Variants in FSTL4 observed in about 807,000 individuals in gnomAD.
FSTL4 encodes follistatin like 4.
Under a neutral mutation model 78.2 loss-of-function variants are expected in FSTL4, and 28 were observed. The observed-to-expected ratio is 0.36, with a 90% CI of 0.27 to 0.49. The LOEUF is 0.49. FSTL4 is among the 20% of genes least tolerant of loss of function. The pLI, the probability that FSTL4 is intolerant of heterozygous loss-of-function variation, is 0.98. For synonymous variants in FSTL4, 422 were observed against 440.5 expected (o/e 0.96, Z 0.53); for missense variants, 922 against 1,084.9 (o/e 0.85, Z 2.11).
chr5:133,794,465 C>A, the FSTL4 span, among the ~76,000 whole-genome samples: 2 of 152,196 alleles, frequency 1.3e-5, no homozygotes, highest in Non-Finnish European at 2.9e-5. Flanking sequence ...GGCAGGAAAG[C>A]CTGGGTTCTG....
chr5:133,630,164 A>G, the FSTL4 span, among the ~76,000 whole-genome samples: 56 of 152,396 alleles, frequency 3.7e-4, no homozygotes, highest in Non-Finnish European at 6.2e-4. Context: ...AGGCAAGAGA[A>G]AGAAATAAAG....
chr5:133,658,827 A>G, the FSTL4 span, among the ~76,000 whole-genome samples: 3 of 152,142 alleles, frequency 2.0e-5, no homozygotes, highest in Non-Finnish European at 4.4e-5. Context: ...GCTGCTTTCA[A>G]ATGGTGAATT....
rs888973224 is a variant in FSTL4, at chr5:133,600,341, G to A, written c.126+3517C>T. The stretch of plus-strand genomic sequence containing the variant: ...GGATAGGTGTATGAAATACATTTTC[G>A]ACCTATGATATTTTCAACTTACAGT... On this transcript the variant is annotated intron_variant, in intron 2 of 15. Coordinates refer to ENST00000265342, the MANE Select transcript of FSTL4 (RefSeq NM_015082.2). 4.6e-4 allele frequency among the ~76,000 whole-genome samples: 69 copies of A among 151,566 alleles called. 2 individuals are homozygous for A. Among genetic ancestry groups the A allele is most frequent in the Non-Finnish European group, 2.4e-4 (16 of 67,976 alleles).
At chr5:133,640,634 G>T in the FSTL4 span, among the ~76,000 whole-genome samples, 2 of 152,152 alleles carry the variant, frequency 1.3e-5, no homozygotes, top group Admixed American at 1.3e-4. Context: ...TGATTTGTTT[G>T]TAATTTTCTA....
At chr5:133,234,337 G>C (rs1479067183) in intron 7 of FSTL4, among the ~76,000 whole-genome samples, 1 of 152,230 alleles carries the variant, frequency 6.6e-6, no homozygotes. Flanking sequence ...ATAAGCCTCA[G>C]CACTGTCATC....
At chr5:133,389,562 C>T (rs1039468564) in intron 4 of FSTL4, among the ~76,000 whole-genome samples, 1 of 152,180 alleles carries the variant, frequency 6.6e-6, no homozygotes, top group Admixed American at 6.5e-5. Flanking sequence ...CCTCCTTTGT[C>T]TAGGGTATTT....
intron 3 of FSTL4, among the ~76,000 whole-genome samples, chr5:133,404,385 G>A (rs1414485959): frequency 5.9e-5 from 9 of 152,230 alleles, no homozygotes; most frequent in Non-Finnish European, 1.3e-4. Context: ...TAGTATTTAT[G>A]AGGACAACCA....
chr5:133,635,545 C>T, the FSTL4 span, among the ~76,000 whole-genome samples: 1 of 152,116 alleles, frequency 6.6e-6, no homozygotes, highest in Admixed American at 6.5e-5. Flanking sequence ...GGGCAGATCA[C>T]CTGAGGTCAG....
chr5:133,510,829 A>G (rs1758716643), intron 3 of FSTL4, among the ~76,000 whole-genome samples: 1 of 152,102 alleles, frequency 6.6e-6, no homozygotes, highest in Non-Finnish European at 1.5e-5. Context: ...CTAGAGCCAC[A>G]GCCGTGTCCC....
the FSTL4 span, among the ~76,000 whole-genome samples, chr5:133,618,586 T>G: frequency 6.6e-6 from 1 of 152,244 alleles, no homozygotes; most frequent in South Asian, 2.1e-4. Context: ...TAAGGTTTAT[T>G]GATTGCTAAC....
rs1561626795 is a variant in FSTL4, at chr5:133,221,910, T to TTTG, written c.1340-1045_1340-1044insCAA. Among the ~76,000 whole-genome samples the TTTG allele has an allele frequency of 9.7e-4, 112 of 115,260 alleles. 4 individuals are homozygous for TTTG. The highest frequency in any genetic ancestry group is 4.7e-3 in the African/African-American group (109 of 23,044). 75.6% of individuals were successfully genotyped at this position (115,260 alleles called of 152,430 possible). ...TTTCTAGTTTTTTTTTTTTTTTTTT[T>TTTG]TTTTTTTTTTTTTTTTTAGCATGCT... On this transcript the variant is annotated intron_variant, in intron 11 of 15. Transcript: ENST00000265342.
chr5:133,590,010 G>A (rs898104069), intron 2 of FSTL4, among the ~76,000 whole-genome samples: 1 of 152,102 alleles, frequency 6.6e-6, no homozygotes, highest in African/African-American at 2.4e-5. Context: ...CAAAATGAAA[G>A]CTGTTTATTA....
At chr5:133,758,284 T>C in the FSTL4 span, among the ~76,000 whole-genome samples, 1 of 152,202 alleles carries the variant, frequency 6.6e-6, no homozygotes, top group Non-Finnish European at 1.5e-5. Flanking sequence ...AATTCATCAA[T>C]TTTTAGTTAC....
intron 4 of FSTL4, among the ~76,000 whole-genome samples, chr5:133,388,314 TTTTATTC>T (rs1386864226): frequency 6.6e-6 from 1 of 152,232 alleles, no homozygotes; most frequent in Non-Finnish European, 1.5e-5. Flanking sequence ...AGAAAATACT[TTTTATTC>T]TTTCCATACA....
the FSTL4 span, among the ~76,000 whole-genome samples, chr5:133,757,111 A>T: frequency 6.6e-6 from 1 of 152,202 alleles, no homozygotes; most frequent in African/African-American, 2.4e-5. Flanking sequence ...AAAATCCTGC[A>T]CAAATGGTCT....
chr5:133,507,734 G>C (rs1322702192), intron 3 of FSTL4, among the ~76,000 whole-genome samples: 2 of 151,702 alleles, frequency 1.3e-5, no homozygotes, highest in Non-Finnish European at 2.9e-5. Context: ...TGTTGGCCAG[G>C]ATGGTCTCAA....
At chr5:133,615,741 T>C (rs1761188326), upstream of FSTL4, among the ~76,000 whole-genome samples, 1 of 152,220 alleles carries the variant, frequency 6.6e-6, no homozygotes, top group Non-Finnish European at 1.5e-5. Context: ...AGACTTAAGA[T>C]TACACATACA....
At chr5:133,836,260 T>G in the FSTL4 span, among the ~76,000 whole-genome samples, 3 of 152,200 alleles carry the variant, frequency 2.0e-5, no homozygotes, top group African/African-American at 4.8e-5. Context: ...TTACCTCTTT[T>G]GGATCAAGTA....
At chr5:133,835,789 T>A in the FSTL4 span, among the ~76,000 whole-genome samples, 35 of 152,376 alleles carry the variant, frequency 2.3e-4, 1 homozygote, top group South Asian at 6.8e-3. Context: ...GGGAAAACTC[T>A]ATTAACTTGA....
Sources: allele counts gnomAD v4.1 joint callset (sites outside exome capture counted in the v4.1 genomes callset), GRCh38; gene constraint gnomAD v4.1.1; transcripts MANE v1.5; gene names NCBI Gene and HGNC (gene_info 2026-07-23, HGNC 2026-07-21).